RPS6KA5: variants seen among roughly 807,000 people sequenced by gnomAD.
The protein encoded by RPS6KA5 is ribosomal protein S6 kinase A5.
Under a neutral mutation model 85.5 loss-of-function variants are expected in RPS6KA5, and 27 were observed. The observed-to-expected ratio is 0.32, with a 90% confidence interval of 0.23 to 0.44. The LOEUF (loss-of-function observed/expected upper bound fraction) is 0.44. Among genes scored for constraint, RPS6KA5 ranks in the 20% least tolerant of loss-of-function variants. RPS6KA5 has a pLI of 1.00. For synonymous variants in RPS6KA5, 334 were observed against 348.2 expected (o/e 0.96, Z 0.46); for missense variants, 811 against 980.9 (o/e 0.83, Z 2.31).
At chr14:90,903,004 A>C (rs745640600) in intron 8 of RPS6KA5, 35 bp from the exon 9 acceptor site, 9 of 1,560,128 alleles carry the variant, frequency 5.8e-6, no homozygotes, top group Non-Finnish European at 7.9e-6. Context: ...AGTAGAAATC[A>C]ATAGTCAAAA....
chr14:90,939,044 T>G (rs1239189975), intron 5 of RPS6KA5, among the ~76,000 whole-genome samples: 1 of 152,254 alleles, frequency 6.6e-6, no homozygotes, highest in African/African-American at 2.4e-5. Flanking sequence ...CTTTTAAAAC[T>G]GAATACCTTT....
At chr14:91,017,155 C>A (rs2041538190) in intron 1 of RPS6KA5, among the ~76,000 whole-genome samples, 1 of 152,182 alleles carries the variant, frequency 6.6e-6, no homozygotes, top group Non-Finnish European at 1.5e-5. Context: ...TGCCAATCTG[C>A]CAGCAGCAGA....
At chr14:90,977,304 G>C (rs77247228) in intron 3 of RPS6KA5, among the ~76,000 whole-genome samples, 1,951 of 152,324 alleles carry the variant, frequency 0.013, 48 homozygotes, top group African/African-American at 0.043. Flanking sequence ...AATGGTAACA[G>C]ATAAAATCTT....
rs1300778797 is a variant in RPS6KA5 at position 90,849,105 on chromosome 14, T to G, written c.*22969A>C. On this transcript the variant is annotated 3_prime_UTR_variant, in exon 17 of 17. Transcript: ENST00000614987. Reference sequence around the variant, plus strand: ...CAAATAGAAGCGTTCACCCCACAGATGAGAAAAGGGGACTCAGTCGTAACC... The same window carrying G: ...CAAATAGAAGCGTTCACCCCACAGAGGAGAAAAGGGGACTCAGTCGTAACC... The G allele has an allele frequency of 6.6e-6, 1 of 151,996 alleles. No homozygotes were observed. 9.4% of individuals were successfully genotyped at this position (151,996 alleles called of 1,614,324 possible).
intron 14 of RPS6KA5, among the ~76,000 whole-genome samples, chr14:90,882,001 C>G (rs1172613430): frequency 6.6e-6 from 1 of 151,980 alleles, no homozygotes; most frequent in African/African-American, 2.4e-5. Flanking sequence ...TAAAAAGGAA[C>G]TAACTTCTGT....
rs906613997 is a variant in RPS6KA5 at position 91,038,138 on chromosome 14, T to C, written c.103+22194A>G. Among the ~76,000 whole-genome samples, 133 of 152,180 alleles carry C rather than the reference T, an allele frequency of 8.7e-4. 1 individual carries two copies. The highest frequency in any genetic ancestry group is 5.9e-5 in the Non-Finnish European group (4 of 68,028). ...TCTAACAAGGTGTTGATCCTGCCTATCCAGAGGACTCAGGAAAATTAAGGA... is the reference window on the plus strand; with the variant it reads ...TCTAACAAGGTGTTGATCCTGCCTACCCAGAGGACTCAGGAAAATTAAGGA... On this transcript the variant is annotated intron_variant, in intron 1 of 16. Coordinates refer to ENST00000614987, the MANE Select transcript of RPS6KA5 (RefSeq NM_004755.4).
chr14:91,048,111 A>T (rs138086816), intron 1 of RPS6KA5, among the ~76,000 whole-genome samples: 17 of 152,194 alleles, frequency 1.1e-4, no homozygotes, highest in African/African-American at 3.4e-4. Context: ...ATCTTGGGGG[A>T]GTGGTCATTA....
intron 1 of RPS6KA5, among the ~76,000 whole-genome samples, chr14:91,049,828 T>G (rs965432660): frequency 1.3e-5 from 2 of 152,232 alleles, no homozygotes; most frequent in African/African-American, 4.8e-5. Context: ...TATAGCCTAT[T>G]GTTCCAAGGC....
chr14:91,042,218 A>G (rs1374653111), intron 1 of RPS6KA5, among the ~76,000 whole-genome samples: 1 of 152,160 alleles, frequency 6.6e-6, no homozygotes, highest in Non-Finnish European at 1.5e-5. Context: ...TCCATATCTA[A>G]GAATTTTTTT....
chr14:91,035,407 G>A (rs527889772), intron 1 of RPS6KA5, among the ~76,000 whole-genome samples: 1 of 152,182 alleles, frequency 6.6e-6, no homozygotes, highest in East Asian at 1.9e-4. Flanking sequence ...CATGGACTTA[G>A]ACAAAGCAAG....
At position 90,864,817 on chromosome 14, in the gene RPS6KA5, C is replaced by T. The variant is rs2032731663; in HGVS notation, c.*7257G>A. 2 of 152,194 alleles carry T rather than the reference C, an allele frequency of 1.3e-5. No homozygotes were observed. The highest frequency in any genetic ancestry group is 1.3e-4 in the Admixed American group (2 of 15,284). The allele number at this position is 152,194 out of a possible 1,614,324, so 9.4% of individuals were successfully genotyped here. ...TTATCAGGAAAATACACCTTAAAATCTCAGTGAAATACAAAATCACCAGAA... is the reference window on the plus strand; with the variant it reads ...TTATCAGGAAAATACACCTTAAAATTTCAGTGAAATACAAAATCACCAGAA... On this transcript the variant is annotated 3_prime_UTR_variant, in exon 17 of 17. Coordinates refer to ENST00000614987, the MANE Select transcript of RPS6KA5 (RefSeq NM_004755.4).
At chr14:91,024,003 CTTT>C (rs995750366) in intron 1 of RPS6KA5, among the ~76,000 whole-genome samples, 4 of 152,120 alleles carry the variant, frequency 2.6e-5, no homozygotes, top group Non-Finnish European at 4.4e-5. Flanking sequence ...AATTTTTCTT[CTTT>C]AAGGACTCCA....
At chr14:90,956,962 CTGTTT>C (rs1339464034) in intron 3 of RPS6KA5, among the ~76,000 whole-genome samples, 2 of 73,710 alleles carry the variant, frequency 2.7e-5, no homozygotes, top group African/African-American at 1.1e-4. Context: ...TACTGTTTTT[CTGTTT>C]TTTTTTTTTT....
rs1310209416 is a variant in RPS6KA5, at chr14:90,866,916, C to G, written c.*5158G>C. The stretch of plus-strand genomic sequence containing the variant: ...ACATTGCTAGTATTTATAATTTCAG[C>G]AAATAGGATAGCAGTATAGTACCTA... On this transcript the variant is annotated 3_prime_UTR_variant, in exon 17 of 17. Transcript: ENST00000614987. The G allele has an allele frequency of 6.6e-6, 1 of 152,118 alleles. No homozygotes were observed. The highest frequency in any genetic ancestry group is 1.5e-5 in the Non-Finnish European group (1 of 68,022). 9.4% of individuals were successfully genotyped at this position (152,118 alleles called of 1,614,324 possible).
intron 1 of RPS6KA5, 147 bp from the exon 2 acceptor site, chr14:91,001,306 G>T (rs767697891): frequency 4.7e-5 from 26 of 555,118 alleles, no homozygotes; most frequent in Non-Finnish European, 7.0e-5. Context: ...AAACAGTATA[G>T]CATATTTTGC....
chr14:91,035,355 A>T (rs1333165276), intron 1 of RPS6KA5, among the ~76,000 whole-genome samples: 1 of 152,228 alleles, frequency 6.6e-6, no homozygotes, highest in African/African-American at 2.4e-5. Flanking sequence ...CAGCAAGACT[A>T]AGGAAGGGAG....
chr14:90,942,972 G>T, intron 5 of RPS6KA5, 106 bp downstream of exon 5: 1 of 719,140 alleles, frequency 1.4e-6, no homozygotes, highest in East Asian at 2.7e-5. Context: ...CTGCACAAAA[G>T]TTCAGAATTC....
intron 13 of RPS6KA5, 72 bp downstream of exon 13, chr14:90,894,341 T>C (rs1203961805): frequency 7.1e-7 from 1 of 1,409,724 alleles, no homozygotes; most frequent in Non-Finnish European, 9.3e-7. Context: ...CCCCAGAAAC[T>C]TCCCCCATGT....
chr14:90,888,668 C>T (rs2140186987), intron 14 of RPS6KA5, among the ~76,000 whole-genome samples: 1 of 152,126 alleles, frequency 6.6e-6, no homozygotes, highest in Middle Eastern at 3.4e-3. Flanking sequence ...AGTGTAAGAA[C>T]AAAATAATTC....
Sources: gnomAD v4.1 joint callset for allele counts (sites outside exome capture counted in the v4.1 genomes callset) on GRCh38, gnomAD v4.1.1 for gene constraint, MANE v1.5 for transcripts, NCBI Gene and HGNC (gene_info 2026-07-23, HGNC 2026-07-21) for gene names.